Variants in CDH18 observed in about 807,000 individuals in gnomAD.
The protein encoded by CDH18 is cadherin 18, also known as cadherin-18.
Under a neutral mutation model 67.9 loss-of-function variants are expected in CDH18, and 31 were observed. The observed-to-expected ratio is 0.46, with a 90% confidence interval of 0.34 to 0.62. The LOEUF (loss-of-function observed/expected upper bound fraction) is 0.62. Among genes scored for constraint, CDH18 ranks in the 20% least tolerant of loss-of-function variants. The pLI is 0.01. For synonymous variants in CDH18, 362 were observed against 347.2 expected, an observed-to-expected ratio of 1.04 and a Z score of -0.48; for missense variants, 890 against 975.5, an observed-to-expected ratio of 0.91 and a Z score of 1.17.
At chr5:19,575,295 AT>A (rs1469694780) in intron 7 of CDH18, among the ~76,000 whole-genome samples, 1 of 152,212 alleles carries the variant, frequency 6.6e-6, no homozygotes, top group Non-Finnish European at 1.5e-5. Flanking sequence ...ATTAGCATGC[AT>A]TCATATTCCA....
intron 2 of CDH18, among the ~76,000 whole-genome samples, chr5:20,050,603 GACAGACTATTTTTTCCATGTATA>G (rs1185336832): frequency 6.6e-6 from 1 of 151,708 alleles, no homozygotes; most frequent in African/African-American, 2.4e-5. Flanking sequence ...GCCTAATTCT[GACAGACTATTTTTTCCATGTATA>G]ACAGACATTG....
intron 2 of CDH18, among the ~76,000 whole-genome samples, chr5:20,098,395 A>C (rs2150572838): frequency 6.6e-6 from 1 of 152,146 alleles, no homozygotes; most frequent in African/African-American, 2.4e-5. Flanking sequence ...CAAAATAACA[A>C]ATCCATCCCC....
intron 1 of CDH18, among the ~76,000 whole-genome samples, chr5:20,286,450 C>T (rs559824071): frequency 4.0e-4 from 60 of 151,378 alleles, no homozygotes; most frequent in Non-Finnish European, 2.4e-4. Context: ...TTTAAATTAC[C>T]ATCATGCATA....
At chr5:19,903,299 T>G (rs1266478336) in intron 2 of CDH18, among the ~76,000 whole-genome samples, 2 of 151,564 alleles carry the variant, frequency 1.3e-5, no homozygotes. Context: ...TTAGATCACA[T>G]TTTTAGCTTT....
chr5:19,872,559 C>T (rs1786440986), intron 2 of CDH18, among the ~76,000 whole-genome samples: 1 of 152,238 alleles, frequency 6.6e-6, no homozygotes, highest in African/African-American at 2.4e-5. Context: ...GCCATGAGTT[C>T]TGCAGCCAGA....
At chr5:19,821,595 A>G (rs1420712322) in intron 3 of CDH18, among the ~76,000 whole-genome samples, 2 of 152,126 alleles carry the variant, frequency 1.3e-5, no homozygotes, top group Non-Finnish European at 2.9e-5. Flanking sequence ...AAGCAAACGT[A>G]AAATAAAATC....
At chr5:20,556,583 C>G (rs1757919466) in intron 1 of CDH18, among the ~76,000 whole-genome samples, 1 of 152,174 alleles carries the variant, frequency 6.6e-6, no homozygotes, top group Non-Finnish European at 1.5e-5. Context: ...TTGCTTTACA[C>G]AAACCTAGCA....
rs1190908794 is a variant in CDH18, at chr5:20,070,549, A to C, written c.-517-78535T>G. Among the ~76,000 whole-genome samples, 3 of 152,188 alleles carry C rather than the reference A, an allele frequency of 2.0e-5. No individual in the cohort carries two copies. In the East Asian group the frequency reaches 5.8e-4, roughly 29 times the overall value. The stretch of plus-strand genomic sequence containing the variant: ...AATAAATTGAAAGAATGAGTGCCGA[A>C]GAAATGGGCAAACAATTAATGGGGT... On this transcript the variant is annotated intron_variant, in intron 2 of 14. Transcript: ENST00000507958.
chr5:20,552,763 T>C (rs1311004540), intron 1 of CDH18, among the ~76,000 whole-genome samples: 1 of 152,166 alleles, frequency 6.6e-6, no homozygotes, highest in Non-Finnish European at 1.5e-5. Flanking sequence ...CTTAAGATTT[T>C]TTTTTTTTCA....
chr5:20,107,902 C>T (rs1381487614), intron 2 of CDH18, among the ~76,000 whole-genome samples: 1 of 148,064 alleles, frequency 6.8e-6, no homozygotes, highest in Non-Finnish European at 1.5e-5. Context: ...TCCCCTAATG[C>T]TATCCCTCCC....
intron 2 of CDH18, among the ~76,000 whole-genome samples, chr5:19,926,341 T>G (rs750291624): frequency 6.6e-6 from 1 of 152,146 alleles, no homozygotes; most frequent in Non-Finnish European, 1.5e-5. Context: ...TTTTAACACA[T>G]CAGCAACCAT....
chr5:20,558,440 T>G (rs528309181), intron 1 of CDH18, among the ~76,000 whole-genome samples: 1 of 152,080 alleles, frequency 6.6e-6, no homozygotes, highest in Non-Finnish European at 1.5e-5. Context: ...TTTAAATAAC[T>G]TAGGAAAGTG....
intron 7 of CDH18, among the ~76,000 whole-genome samples, chr5:19,586,799 G>A (rs181145514): frequency 2.3e-3 from 355 of 152,236 alleles, no homozygotes; most frequent in Non-Finnish European, 4.4e-3. Context: ...CTTCCAGAAC[G>A]GTTGAACTAA....
At chr5:20,059,176 T>A (rs978944152) in intron 2 of CDH18, among the ~76,000 whole-genome samples, 3 of 152,170 alleles carry the variant, frequency 2.0e-5, no homozygotes, top group Admixed American at 2.0e-4. Flanking sequence ...GGTGGTGATA[T>A]CCCCTTTATC....
chr5:20,198,583 G>A (rs73052742), intron 2 of CDH18, among the ~76,000 whole-genome samples: 4 of 152,048 alleles, frequency 2.6e-5, no homozygotes, highest in South Asian at 2.1e-4. Context: ...CTGATGATGC[G>A]GTAGAAAAAA....
At chr5:20,504,030 T>A (rs1396393696) in intron 1 of CDH18, among the ~76,000 whole-genome samples, 5 of 131,660 alleles carry the variant, frequency 3.8e-5, no homozygotes, top group African/African-American at 1.4e-4. Flanking sequence ...AGAGCAAGAC[T>A]CTGTCAAGAA....
At chr5:19,755,541 T>TA (rs1771489790) in intron 3 of CDH18, among the ~76,000 whole-genome samples, 1 of 64,254 alleles carries the variant, frequency 1.6e-5, no homozygotes, top group Admixed American at 1.9e-4. Context: ...AGTTTTATAT[T>TA]TTATATATAT....
At chr5:20,326,695 C>T (rs955000889) in intron 1 of CDH18, among the ~76,000 whole-genome samples, 3 of 152,032 alleles carry the variant, frequency 2.0e-5, no homozygotes, top group Non-Finnish European at 2.9e-5. Context: ...CCCGCCACCA[C>T]ACCCGGCTAA....
At chr5:19,905,563 C>A (rs1371908420) in intron 2 of CDH18, among the ~76,000 whole-genome samples, 1 of 151,584 alleles carries the variant, frequency 6.6e-6, no homozygotes, top group Non-Finnish European at 1.5e-5. Context: ...AACTTTCTTA[C>A]CTTCATTCAT....
Sources: allele counts gnomAD v4.1 joint callset (sites outside exome capture counted in the v4.1 genomes callset), GRCh38; gene constraint gnomAD v4.1.1; transcripts MANE v1.5; gene names NCBI Gene and HGNC (gene_info 2026-07-23, HGNC 2026-07-21).